Variants in NKAIN2 observed in about 807,000 individuals in gnomAD.
NKAIN2 encodes the protein sodium/potassium-transporting ATPase subunit beta-1-interacting protein 2.
A neutral mutation model predicts 32.6 loss-of-function variants in NKAIN2; 14 were observed. The ratio of observed to expected loss-of-function variants is 0.43; its 90% CI spans 0.28 to 0.67. NKAIN2 has a LOEUF of 0.67. Ranked by LOEUF, NKAIN2 falls within the 30% of genes least tolerant of loss-of-function variation. The pLI is 0.17. For missense variants in NKAIN2, 198 were observed against 258.3 expected (o/e 0.77, Z 1.60); for synonymous variants, 80 against 87.2 (o/e 0.92, Z 0.46).
chr6:124,485,325 A>G (rs905949218), intron 3 of NKAIN2, among the ~76,000 whole-genome samples: 3 of 152,074 alleles, frequency 2.0e-5, no homozygotes, highest in African/African-American at 7.2e-5. Context: ...CCACTGCCCT[A>G]CATCACACTC....
At chr6:124,823,031 CCTCT>C (rs1165689268) in intron 6 of NKAIN2, among the ~76,000 whole-genome samples, 185 bp from the exon 7 acceptor site, 1 of 152,128 alleles carries the variant, frequency 6.6e-6, no homozygotes, top group African/African-American at 2.4e-5. Context: ...CCAAAACTGG[CCTCT>C]CTATCCCTGC....
intron 1 of NKAIN2, among the ~76,000 whole-genome samples, chr6:124,270,909 G>A (rs753867227): frequency 1.3e-5 from 2 of 152,136 alleles, no homozygotes; most frequent in Middle Eastern, 3.2e-3. Flanking sequence ...GAAAATTTCT[G>A]CCCTAAAATC....
chr6:124,129,744 A>G (rs541755299), intron 1 of NKAIN2, among the ~76,000 whole-genome samples: 1 of 152,054 alleles, frequency 6.6e-6, no homozygotes, highest in African/African-American at 2.4e-5. Context: ...CAGCCTGCCA[A>G]GTAGCTGGGA....
At chr6:123,941,119 A>G (rs909060894) in intron 1 of NKAIN2, among the ~76,000 whole-genome samples, 3 of 151,888 alleles carry the variant, frequency 2.0e-5, no homozygotes, top group Non-Finnish European at 4.4e-5. Flanking sequence ...CTCCAGGGTC[A>G]AGGCCACCAA....
intron 3 of NKAIN2, among the ~76,000 whole-genome samples, chr6:124,459,427 GA>G (rs1160422838): frequency 6.6e-6 from 1 of 151,716 alleles, no homozygotes; most frequent in African/African-American, 2.4e-5. Context: ...ATACTACCTG[GA>G]AAAAAATTAT....
chr6:124,742,308 T>C (rs1440759648), intron 4 of NKAIN2, among the ~76,000 whole-genome samples: 1 of 151,768 alleles, frequency 6.6e-6, no homozygotes, highest in Non-Finnish European at 1.5e-5. Context: ...TCCAAGCCAT[T>C]GAGGGCCTGA....
intron 3 of NKAIN2, among the ~76,000 whole-genome samples, chr6:124,570,062 A>G (rs1443965826): frequency 3.3e-5 from 5 of 152,178 alleles, no homozygotes; most frequent in African/African-American, 9.7e-5. Context: ...ATTTTAGCAA[A>G]GAGACAGGTG....
intron 2 of NKAIN2, among the ~76,000 whole-genome samples, chr6:124,298,758 A>AC (rs10612772): frequency 1.3e-5 from 2 of 151,828 alleles, no homozygotes; most frequent in African/African-American, 2.4e-5. Flanking sequence ...AGGAGAGAAG[A>AC]CCCCCCGTGT....
intron 3 of NKAIN2, among the ~76,000 whole-genome samples, chr6:124,412,089 T>G (rs1361474856): frequency 3.3e-5 from 5 of 152,196 alleles, no homozygotes; most frequent in Non-Finnish European, 7.3e-5. Context: ...CATCTAATTT[T>G]TTTTCAAAGT....
At chr6:123,860,645 A>G (rs9490973) in intron 1 of NKAIN2, among the ~76,000 whole-genome samples, 47,464 of 152,126 alleles carry the variant, frequency 0.31, 8,803 homozygotes, top group Non-Finnish European at 0.42. Context: ...TCCTGGGCCC[A>G]AGTATTCTGT....
At chr6:124,095,545 A>T (rs965267353) in intron 1 of NKAIN2, among the ~76,000 whole-genome samples, 7 of 152,148 alleles carry the variant, frequency 4.6e-5, no homozygotes, top group Admixed American at 2.0e-4. Flanking sequence ...TTGCTCCTTT[A>T]TGCAGCCTAA....
intron 2 of NKAIN2, among the ~76,000 whole-genome samples, chr6:124,351,269 G>A (rs565135473): frequency 6.6e-6 from 1 of 152,074 alleles, no homozygotes; most frequent in Admixed American, 6.5e-5. Context: ...AATATGAGAA[G>A]TTTGAGAGGC....
chr6:124,195,753 A>T (rs2114606528), intron 1 of NKAIN2, among the ~76,000 whole-genome samples: 1 of 152,246 alleles, frequency 6.6e-6, no homozygotes, highest in Admixed American at 6.5e-5. Flanking sequence ...CTGAGTTTAT[A>T]AGTTAATTGC....
At chr6:124,573,910 A>G (rs1781230787) in intron 3 of NKAIN2, among the ~76,000 whole-genome samples, 1 of 152,198 alleles carries the variant, frequency 6.6e-6, no homozygotes, top group Non-Finnish European at 1.5e-5. Context: ...TGGATAATCA[A>G]GAAAGAGGCT....
At chr6:124,470,520 G>A (rs942520455) in intron 3 of NKAIN2, among the ~76,000 whole-genome samples, 5 of 152,046 alleles carry the variant, frequency 3.3e-5, no homozygotes, top group African/African-American at 1.2e-4. Flanking sequence ...ATTATAATTA[G>A]GAGAGACAAT....
intron 4 of NKAIN2, among the ~76,000 whole-genome samples, chr6:124,777,668 G>A (rs1779041915): frequency 6.6e-6 from 1 of 152,030 alleles, no homozygotes; most frequent in Non-Finnish European, 1.5e-5. Context: ...TATATAACTT[G>A]GAATAGTGAA....
At chr6:124,129,660 C>A (rs1041465628) in intron 1 of NKAIN2, among the ~76,000 whole-genome samples, 4 of 152,046 alleles carry the variant, frequency 2.6e-5, no homozygotes, top group Non-Finnish European at 5.9e-5. Flanking sequence ...TTTTGTTGCC[C>A]AAGCTGAAGT....
At chr6:124,464,149 G>A (rs889704799) in intron 3 of NKAIN2, among the ~76,000 whole-genome samples, 2 of 152,064 alleles carry the variant, frequency 1.3e-5, no homozygotes, top group South Asian at 2.1e-4. Flanking sequence ...CACCATGCCC[G>A]AATAATTTTT....
At chr6:123,938,485 T>C (rs1343622314) in intron 1 of NKAIN2, among the ~76,000 whole-genome samples, 1 of 134,662 alleles carries the variant, frequency 7.4e-6, no homozygotes, top group Admixed American at 8.1e-5. Flanking sequence ...ATACATAATA[T>C]ATAATATATA....
Sources: gnomAD v4.1 joint callset for allele counts (sites outside exome capture counted in the v4.1 genomes callset) on GRCh38, gnomAD v4.1.1 for gene constraint, MANE v1.5 for transcripts, NCBI Gene and HGNC (gene_info 2026-07-23, HGNC 2026-07-21) for gene names.